The following TSPAN7 variants were observed in gnomAD, a reference collection of about 807,000 sequenced individuals.
TSPAN7 encodes the protein tetraspanin-7.
A neutral mutation model predicts 17.6 loss-of-function variants in TSPAN7; 1 was observed. The ratio of observed to expected loss-of-function variants is 0.06; its 90% CI spans 0.02 to 0.27. The LOEUF (loss-of-function observed/expected upper bound fraction) is 0.27, where lower values mean the gene tolerates loss of function less well. Ranked by LOEUF, TSPAN7 falls within the 10% of genes least tolerant of loss-of-function variation. TSPAN7 has a pLI of 1.00. For missense variants in TSPAN7, 112 were observed against 201.7 expected, an observed-to-expected ratio of 0.56 and a Z score of 2.69; for synonymous variants, 78 against 79.0, an observed-to-expected ratio of 0.99 and a Z score of 0.07.
In TSPAN7 at chrX:38,626,242, G is replaced by A. The variant is rs948546525; in HGVS notation, c.82-39879G>A. 4.5e-5 allele frequency among the ~76,000 whole-genome samples: 5 copies of A among 111,643 alleles called. No homozygotes were observed. The Admixed American group carries it at 4.7e-4, about 11-fold the overall frequency. ...TATGTTTCTGGCTATGGGAGTAGGT[G>A]GCAGACATGGAATGAAGGTGAAGAT... On this transcript the variant is annotated intron_variant, in intron 1 of 7. Transcript: ENST00000378482.
intron 1 of TSPAN7, among the ~76,000 whole-genome samples, chrX:38,658,774 T>A (rs2147445442): frequency 9.0e-6 from 1 of 111,268 alleles, no homozygotes; most frequent in South Asian, 3.8e-4. Context: ...AGCCCCACAT[T>A]CACAACTGCC....
chrX:38,570,967 T>G (rs2069166377), intron 1 of TSPAN7: 1 of 112,462 alleles, frequency 8.9e-6, no homozygotes, highest in African/African-American at 3.2e-5. Context: ...TATTTATTTG[T>G]TTATTGCCTT....
chrX:38,659,513 T>G (rs2069728047), intron 1 of TSPAN7, among the ~76,000 whole-genome samples: 1 of 111,875 alleles, frequency 8.9e-6, no homozygotes, highest in African/African-American at 3.3e-5. Flanking sequence ...GCAATCAGGT[T>G]TCTCTACTTC....
chrX:38,661,499 A>C (rs2069744705), intron 1 of TSPAN7, among the ~76,000 whole-genome samples: 1 of 112,087 alleles, frequency 8.9e-6, no homozygotes. Flanking sequence ...AGGAATAAGC[A>C]AGAAAGGGAG....
intron 1 of TSPAN7, among the ~76,000 whole-genome samples, chrX:38,640,733 T>G (rs1183137886): frequency 8.9e-6 from 1 of 112,430 alleles, no homozygotes; most frequent in Non-Finnish European, 1.9e-5. Context: ...GCATTTAAAA[T>G]TAAATTATAA....
At position 38,671,369 on chromosome X, in the gene TSPAN7, T is replaced by A; in HGVS notation, c.271-7T>A. 1.7e-6 allele frequency: 2 copies of A among 1,211,145 alleles called. No homozygotes were observed. Among genetic ancestry groups the A allele is most frequent in the East Asian group, 3.0e-5 (1 of 33,845 alleles). On this transcript the variant is annotated splice_polypyrimidine_tract_variant and splice_region_variant and intron_variant, in intron 2 of 7. Coordinates refer to ENST00000378482, the MANE Select transcript of TSPAN7 (RefSeq NM_004615.4). ...TCTGACTTTGTCTTTGTGTGCTTAA[T>A]TTTCAGTATGCCATGTTTCTGTCCC...
At chrX:38,672,319 T>A (rs1190687733) in intron 3 of TSPAN7, among the ~76,000 whole-genome samples, 3 of 110,329 alleles carry the variant, frequency 2.7e-5, no homozygotes, top group Admixed American at 1.9e-4. Context: ...TTTTTTTTTT[T>A]AATTTTTTTA....
At chrX:38,576,348 C>A (rs2069194207) in intron 1 of TSPAN7, among the ~76,000 whole-genome samples, 2 of 112,083 alleles carry the variant, frequency 1.8e-5, no homozygotes, top group Admixed American at 1.9e-4. Flanking sequence ...AATTAACCGC[C>A]TGAGCACTTC....
intron 1 of TSPAN7, among the ~76,000 whole-genome samples, chrX:38,574,111 AT>A (rs1448589607): frequency 8.9e-6 from 1 of 112,435 alleles, no homozygotes; most frequent in East Asian, 2.8e-4. Flanking sequence ...ATTAACAAAG[AT>A]GATTTTCATT....
At chrX:38,659,827 T>C (rs1242282679) in intron 1 of TSPAN7, among the ~76,000 whole-genome samples, 1 of 50,968 alleles carries the variant, frequency 2.0e-5, no homozygotes, top group Non-Finnish European at 3.0e-5. Flanking sequence ...CTTTTTCTTT[T>C]TTTTTTTTTT....
chrX:38,583,692 G>A (rs1456207495), intron 1 of TSPAN7, among the ~76,000 whole-genome samples: 1 of 111,585 alleles, frequency 9.0e-6, no homozygotes, highest in Admixed American at 9.5e-5. Flanking sequence ...TTTGAGCTGA[G>A]TACTGAAGGA....
intron 1 of TSPAN7, among the ~76,000 whole-genome samples, chrX:38,625,522 G>A (rs1244557706): frequency 4.5e-5 from 5 of 111,734 alleles, no homozygotes; most frequent in Non-Finnish European, 9.4e-5. Flanking sequence ...GACCATCTTT[G>A]GATGGCTCCC....
intron 1 of TSPAN7, among the ~76,000 whole-genome samples, chrX:38,606,640 A>T (rs1367076522): frequency 9.0e-6 from 1 of 111,455 alleles, no homozygotes; most frequent in East Asian, 2.8e-4. Flanking sequence ...GCAACACCAG[A>T]CACCCACCCC....
intron 1 of TSPAN7, among the ~76,000 whole-genome samples, chrX:38,628,387 G>A (rs942628852): frequency 9.9e-5 from 11 of 111,087 alleles, no homozygotes; most frequent in Non-Finnish European, 2.1e-4. Context: ...GAACACTTAC[G>A]GTGGCAATTC....
At chrX:38,592,565 A>G (rs898384219) in intron 1 of TSPAN7, among the ~76,000 whole-genome samples, 7 of 109,965 alleles carry the variant, frequency 6.4e-5, no homozygotes, top group Admixed American at 1.9e-4. Flanking sequence ...TTGTTGCTTT[A>G]TGGTTCATAG....
intron 1 of TSPAN7, among the ~76,000 whole-genome samples, chrX:38,564,494 G>A (rs953128117): frequency 8.9e-6 from 1 of 111,882 alleles, no homozygotes; most frequent in Non-Finnish European, 1.9e-5. Flanking sequence ...TTTCTATTGG[G>A]TATGTACCTG....
intron 1 of TSPAN7, among the ~76,000 whole-genome samples, chrX:38,637,931 G>A (rs1411046974): frequency 8.9e-6 from 1 of 111,847 alleles, no homozygotes; most frequent in African/African-American, 3.3e-5. Context: ...CCCTCAAGAG[G>A]TAACAGATTG....
At chrX:38,596,766 C>T (rs2069320955) in intron 1 of TSPAN7, among the ~76,000 whole-genome samples, 1 of 111,512 alleles carries the variant, frequency 9.0e-6, no homozygotes. Flanking sequence ...GAAGATGGGA[C>T]ATTTGTTTAG....
chrX:38,602,160 C>T (rs773040684), intron 1 of TSPAN7, among the ~76,000 whole-genome samples: 2 of 111,600 alleles, frequency 1.8e-5, no homozygotes, highest in African/African-American at 6.5e-5. Flanking sequence ...CTACTAGTTG[C>T]TGTGATGAGG....
Sources: gnomAD v4.1 joint callset for allele counts (sites outside exome capture counted in the v4.1 genomes callset) on GRCh38, gnomAD v4.1.1 for gene constraint, MANE v1.5 for transcripts, NCBI Gene and HGNC (gene_info 2026-07-23, HGNC 2026-07-21) for gene names.